Variants in CCBE1 observed in about 807,000 individuals in gnomAD.
The protein encoded by CCBE1 is collagen and calcium-binding EGF domain-containing protein 1.
A neutral mutation model predicts 50.0 loss-of-function variants in CCBE1; 37 were observed. The ratio of observed to expected loss-of-function variants is 0.74; its 90% CI spans 0.57 to 0.97. The LOEUF (loss-of-function observed/expected upper bound fraction) is 0.97. Ranked by LOEUF, CCBE1 falls within the 50% of genes least tolerant of loss-of-function variation. CCBE1 has a pLI of 0.00. For synonymous variants in CCBE1, 234 were observed against 203.7 expected (o/e 1.15, Z -1.27); for missense variants, 538 against 523.8 (o/e 1.03, Z -0.26).
At chr18:59,504,881 C>A (rs1463597483) in intron 2 of CCBE1, among the ~76,000 whole-genome samples, 2 of 152,146 alleles carry the variant, frequency 1.3e-5, no homozygotes, top group African/African-American at 2.4e-5. Context: ...GCTTTCTGTG[C>A]CATTTGGCCT....
At position 59,697,298 on chromosome 18, in the gene CCBE1, C is replaced by T; in HGVS notation, c.45G>A (p.Gln15=). The T allele has an allele frequency of 6.5e-7, 1 of 1,549,082 alleles. No individual in the cohort carries two copies. The highest frequency in any genetic ancestry group is 8.7e-7 in the Non-Finnish European group (1 of 1,146,856). ...PPSRGGAARG[Q]LGRSLGPLLL... is the part of the protein sequence containing the mutation. ...GCAGCGGACCCAGGCTCCTGCCCAG[C>T]TGGCCCCTGGCAGCTCCTCCCCGGC... The change falls in exon 1 of 11, where the codon CAG becomes CAA. Residue 15 remains glutamine (Q), a synonymous_variant. Transcript: ENST00000439986.
chr18:59,686,853 C>CAA (rs959964855), intron 2 of CCBE1, among the ~76,000 whole-genome samples: 1 of 152,340 alleles, frequency 6.6e-6, no homozygotes, highest in Admixed American at 6.5e-5. Flanking sequence ...TAAAACCCTT[C>CAA]AAACTTTCTC....
chr18:59,537,915 T>G (rs1237617700), intron 2 of CCBE1, among the ~76,000 whole-genome samples: 1 of 152,208 alleles, frequency 6.6e-6, no homozygotes, highest in East Asian at 1.9e-4. Flanking sequence ...ATAATAACAG[T>G]GCTTATTTTC....
chr18:59,654,831 C>T (rs1175270019), intron 2 of CCBE1, among the ~76,000 whole-genome samples: 1 of 149,398 alleles, frequency 6.7e-6, no homozygotes, highest in African/African-American at 2.5e-5. Context: ...AAAGGTGGCT[C>T]ATTCCTAATT....
chr18:59,587,470 A>G (rs146879309), intron 2 of CCBE1, among the ~76,000 whole-genome samples: 2 of 152,376 alleles, frequency 1.3e-5, no homozygotes, highest in East Asian at 3.9e-4. Context: ...AACCAGGAAT[A>G]GAAGAGATTT....
At chr18:59,504,490 A>G (rs1306614475) in intron 2 of CCBE1, among the ~76,000 whole-genome samples, 3 of 150,756 alleles carry the variant, frequency 2.0e-5, no homozygotes, top group Non-Finnish European at 4.4e-5. Flanking sequence ...TTGTGCCTAT[A>G]TTTATACACA....
chr18:59,543,834 C>CAAAAAAAAAAAAAAAA lies in CCBE1; in HGVS notation c.213-63612_213-63597dup, dbSNP rs10678902. 4.8e-4 allele frequency among the ~76,000 whole-genome samples: 33 copies of CAAAAAAAAAAAAAAAA among 68,976 alleles called. 1 individual carries two copies. Among genetic ancestry groups the CAAAAAAAAAAAAAAAA allele is most frequent in the African/African-American group, 2.2e-3 (31 of 13,804 alleles). The allele number at this position is 68,976 out of a possible 152,430, so 45.3% of individuals were successfully genotyped here. A position where few individuals can be genotyped will look rare whatever the true frequency, so the allele number is the denominator to read the frequency against. The stretch of plus-strand genomic sequence containing the variant: ...TGGGAGATAGAGCGAGACTCCGTCT[C>CAAAAAAAAAAAAAAAA]AAAAAAAAAAAAAAAAAAAAAAAAC... On this transcript the variant is annotated intron_variant, in intron 2 of 10. Transcript: ENST00000439986.
At chr18:59,578,141 G>A (rs1015412094) in intron 2 of CCBE1, among the ~76,000 whole-genome samples, 1 of 152,156 alleles carries the variant, frequency 6.6e-6, no homozygotes, top group East Asian at 1.9e-4. Context: ...AGTGGGTGAA[G>A]GATATGAACA....
At chr18:59,570,752 G>C (rs1166552008) in intron 2 of CCBE1, among the ~76,000 whole-genome samples, 1 of 152,282 alleles carries the variant, frequency 6.6e-6, no homozygotes, top group Non-Finnish European at 1.5e-5. Context: ...TGTGTGTGAG[G>C]TTTTCAGAAA....
At chr18:59,460,323 A>G (rs1911400670) in intron 5 of CCBE1, among the ~76,000 whole-genome samples, 1 of 152,176 alleles carries the variant, frequency 6.6e-6, no homozygotes, top group Admixed American at 6.5e-5. Flanking sequence ...CAGGCATTAG[A>G]TATGCAAAGT....
chr18:59,682,913 C>T (rs2054610516), intron 2 of CCBE1, among the ~76,000 whole-genome samples: 1 of 152,204 alleles, frequency 6.6e-6, no homozygotes, highest in Admixed American at 6.5e-5. Context: ...AAACAGAGTT[C>T]TTTCTTCTTG....
At chr18:59,447,458 A>C (rs1374354823) in intron 7 of CCBE1, among the ~76,000 whole-genome samples, 2 of 152,260 alleles carry the variant, frequency 1.3e-5, no homozygotes, top group Non-Finnish European at 2.9e-5. Context: ...AAATGAGTAC[A>C]TTACATGTCA....
intron 2 of CCBE1, among the ~76,000 whole-genome samples, chr18:59,640,765 C>A (rs2144644714): frequency 6.6e-6 from 1 of 152,230 alleles, no homozygotes; most frequent in African/African-American, 2.4e-5. Flanking sequence ...TATCCAGAAT[C>A]TATAAGGAAC....
At chr18:59,482,289 G>T (rs1428502982) in intron 2 of CCBE1, among the ~76,000 whole-genome samples, 2 of 152,172 alleles carry the variant, frequency 1.3e-5, no homozygotes, top group African/African-American at 4.8e-5. Context: ...AAAAAGTCAG[G>T]AAACAACAGA....
intron 3 of CCBE1, among the ~76,000 whole-genome samples, chr18:59,477,533 T>C (rs1419115442): frequency 4.1e-5 from 4 of 96,826 alleles, no homozygotes; most frequent in Non-Finnish European, 6.3e-5. Flanking sequence ...ATTATTTCCA[T>C]GTCTCTGTGT....
intron 5 of CCBE1, among the ~76,000 whole-genome samples, chr18:59,460,417 G>A (rs1911405355): frequency 6.6e-6 from 1 of 152,210 alleles, no homozygotes; most frequent in Non-Finnish European, 1.5e-5. Flanking sequence ...ATAACAAAAT[G>A]ACCATAACGA....
intron 5 of CCBE1, among the ~76,000 whole-genome samples, chr18:59,460,641 T>C (rs957720373): frequency 1.4e-4 from 22 of 152,158 alleles, no homozygotes; most frequent in Admixed American, 6.5e-5. Flanking sequence ...GACTAAGAAA[T>C]GAGGCGTGGG....
At chr18:59,533,137 G>A (rs1915115079) in intron 2 of CCBE1, among the ~76,000 whole-genome samples, 1 of 152,006 alleles carries the variant, frequency 6.6e-6, no homozygotes, top group Admixed American at 6.5e-5. Context: ...GTTAATATAT[G>A]TTCAAACAAA....
rs756293644 is a variant in CCBE1, at chr18:59,522,126, CT to C, written c.213-41889del. Among the ~76,000 whole-genome samples, 184 of 73,548 alleles carry C rather than the reference CT, an allele frequency of 2.5e-3. 2 individuals are homozygous for C. Among genetic ancestry groups the C allele is most frequent in the East Asian group, 2.8e-3 (8 of 2,816 alleles). The allele number at this position is 73,548 out of a possible 152,430, so 48.3% of individuals were successfully genotyped here. On this transcript the variant is annotated intron_variant, in intron 2 of 10. Coordinates refer to ENST00000439986, the MANE Select transcript of CCBE1 (RefSeq NM_133459.4). ...AGGGACAAACCATGGCTTAACTTTT[CT>C]TTTTTTTTTTTTGTACATTTGTATA...
Sources: allele counts gnomAD v4.1 joint callset (sites outside exome capture counted in the v4.1 genomes callset), GRCh38; gene constraint gnomAD v4.1.1; transcripts MANE v1.5; gene names NCBI Gene and HGNC (gene_info 2026-07-23, HGNC 2026-07-21).